The following CALCRL variants were observed in gnomAD, a reference collection of about 807,000 sequenced individuals.
The protein encoded by CALCRL is calcitonin gene-related peptide type 1 receptor.
In CALCRL, 27 loss-of-function variants were observed where a neutral mutation model predicts 60.4. That is an observed-to-expected ratio of 0.45 (90% CI 0.33 to 0.62). CALCRL has a LOEUF of 0.62. Ranked by LOEUF, CALCRL falls within the 20% of genes least tolerant of loss-of-function variation. The pLI is 0.03. For missense variants in CALCRL, 424 were observed against 540.7 expected, an observed-to-expected ratio of 0.78 and a Z score of 2.14; for synonymous variants, 190 against 182.6, an observed-to-expected ratio of 1.04 and a Z score of -0.33.
Position 187,380,370 on chromosome 2 carries a change from T to C in CALCRL, c.408+97A>G. On this transcript the variant is annotated intron_variant, in intron 7 of 14. Coordinates refer to ENST00000392370, the MANE Select transcript of CALCRL (RefSeq NM_005795.6). ...ATTATGAAAAGGCTTTATAAGGGAA[T>C]GGAATAATGACTTTATTTTCTTTAA... The C allele has an allele frequency of 4.5e-6, 3 of 669,888 alleles. No homozygotes were observed. The Admixed American group carries it at 7.0e-5, about 16-fold the overall frequency. 41.5% of individuals were successfully genotyped at this position (669,888 alleles called of 1,614,324 possible).
intron 9 of CALCRL, 118 bp downstream of exon 9, chr2:187,363,258 G>T: frequency 2.1e-6 from 2 of 952,242 alleles, no homozygotes; most frequent in Non-Finnish European, 2.9e-6. Flanking sequence ...ATATATATAT[G>T]TCAGACTTGA....
At chr2:187,396,922 A>AC (rs1688679667) in intron 1 of CALCRL, among the ~76,000 whole-genome samples, 1 of 151,722 alleles carries the variant, frequency 6.6e-6, no homozygotes, top group Non-Finnish European at 1.5e-5. Context: ...GATGTCTAAT[A>AC]CCAGTTACAA....
chr2:187,445,186 C>T lies in CALCRL; in HGVS notation c.-293+2853G>A, dbSNP rs370803241. On this transcript the variant is annotated intron_variant, in intron 1 of 14. Transcript: ENST00000392370. ...TTCTGATTAAGTCAAAACTAAGATA[C>T]GTTACACACTTGACTCTCATAAGAG... 2.0e-3 allele frequency among the ~76,000 whole-genome samples: 298 copies of T among 151,654 alleles called. 3 individuals are homozygous for T. Among genetic ancestry groups the T allele is most frequent in the African/African-American group, 6.6e-3 (275 of 41,526 alleles).
At chr2:187,398,853 A>C (rs1254815284) in intron 1 of CALCRL, among the ~76,000 whole-genome samples, 1 of 151,688 alleles carries the variant, frequency 6.6e-6, no homozygotes, top group Non-Finnish European at 1.5e-5. Flanking sequence ...AAGTGAAGGC[A>C]ATTAGCTGAG....
intron 1 of CALCRL, among the ~76,000 whole-genome samples, chr2:187,406,589 T>C (rs1343903508): frequency 2.0e-5 from 3 of 152,098 alleles, no homozygotes; most frequent in Non-Finnish European, 4.4e-5. Context: ...TCTATTTTTA[T>C]CTATGTATAT....
At chr2:187,437,002 T>C (rs78874009) in intron 1 of CALCRL, among the ~76,000 whole-genome samples, 2,651 of 152,232 alleles carry the variant, frequency 0.017, 73 homozygotes, top group African/African-American at 0.06. Context: ...TTCTATTCTT[T>C]AGTTGAGAAT....
intron 12 of CALCRL, among the ~76,000 whole-genome samples, chr2:187,356,640 G>C (rs192231605): frequency 1.9e-4 from 29 of 152,226 alleles, no homozygotes; most frequent in African/African-American, 6.5e-4. Context: ...GGCAACAAAA[G>C]CCAAAATTGA....
At chr2:187,385,716 A>G (rs1688178210) in intron 3 of CALCRL, 85 bp from the exon 4 acceptor site, 1 of 705,128 alleles carries the variant, frequency 1.4e-6, no homozygotes, top group Non-Finnish European at 2.4e-6. Flanking sequence ...TTATTTTAAA[A>G]CTACACAATA....
At chr2:187,410,419 G>GA (rs144395937) in intron 1 of CALCRL, among the ~76,000 whole-genome samples, 9,170 of 147,240 alleles carry the variant, frequency 0.062, 336 homozygotes, top group South Asian at 0.096. Flanking sequence ...GAGAAAGAAA[G>GA]AAAAAAAAAA....
intron 2 of CALCRL, 37 bp from the exon 3 acceptor site, chr2:187,387,530 G>A (rs1688258895): frequency 2.9e-6 from 1 of 349,884 alleles, no homozygotes; most frequent in Admixed American, 4.7e-5. Flanking sequence ...ATGAATCATT[G>A]TATTAATTTT....
intron 1 of CALCRL, among the ~76,000 whole-genome samples, chr2:187,425,024 A>C (rs1690060341): frequency 6.6e-6 from 1 of 151,918 alleles, no homozygotes. Flanking sequence ...TATTAGAATT[A>C]GTTTGGGGGT....
At chr2:187,416,820 C>A (rs1362178122) in intron 1 of CALCRL, among the ~76,000 whole-genome samples, 1 of 152,016 alleles carries the variant, frequency 6.6e-6, no homozygotes, top group Non-Finnish European at 1.5e-5. Flanking sequence ...TTGCAAAGGG[C>A]TGTTTCTTAT....
chr2:187,371,074 C>T (rs1295075136), intron 8 of CALCRL, among the ~76,000 whole-genome samples: 1 of 151,982 alleles, frequency 6.6e-6, no homozygotes. Context: ...AACCCCGTCT[C>T]TACTAAAACT....
In CALCRL at chr2:187,385,574, A is replaced by T. The variant is rs698577; in HGVS notation, c.22T>A (p.Tyr8Asn). The T allele has an allele frequency of 2.3e-4, 355 of 1,561,198 alleles. No homozygotes were observed. The African/African-American group carries it at 2.8e-3, about 12-fold the overall frequency. ...AAAAAAGGCAAGAGAACCAGAAAATACAGGGTACACTTTTTCTCCATCATT... is the reference window on the plus strand; with the variant it reads ...AAAAAAGGCAAGAGAACCAGAAAATTCAGGGTACACTTTTTCTCCATCATT... Reference protein sequence around the residue: MEKKCTLYFLVLLPFFMI... With the variant: MEKKCTLNFLVLLPFFMI... The change falls in exon 4 of 15, where the codon TAT (tyrosine) becomes AAT (asparagine). Residue 8 changes from tyrosine (Y) to asparagine (N), a missense_variant. Physicochemically the swap from Tyr to Asn is moderately radical, Grantham distance 143. Coordinates refer to ENST00000392370, the MANE Select transcript of CALCRL (RefSeq NM_005795.6).
At chr2:187,410,263 G>A (rs1689301296) in intron 1 of CALCRL, among the ~76,000 whole-genome samples, 1 of 152,054 alleles carries the variant, frequency 6.6e-6, no homozygotes, top group South Asian at 2.1e-4. Context: ...TATTAATGGG[G>A]GATCCATTTG....
chr2:187,423,718 A>G (rs1460553121), intron 1 of CALCRL, among the ~76,000 whole-genome samples: 1 of 152,048 alleles, frequency 6.6e-6, no homozygotes, highest in African/African-American at 2.4e-5. Flanking sequence ...AAGGCTTGGG[A>G]AAAAACTTAG....
intron 8 of CALCRL, among the ~76,000 whole-genome samples, chr2:187,366,638 T>C (rs1260726779): frequency 6.6e-6 from 1 of 152,076 alleles, no homozygotes; most frequent in Non-Finnish European, 1.5e-5. Flanking sequence ...ATTTTAACTG[T>C]TTATATTAAT....
intron 1 of CALCRL, among the ~76,000 whole-genome samples, chr2:187,393,820 G>T (rs1211211637): frequency 3.9e-5 from 6 of 151,914 alleles, no homozygotes; most frequent in African/African-American, 1.4e-4. Context: ...TCTTGCTTGG[G>T]GACCAGGAAC....
intron 7 of CALCRL, among the ~76,000 whole-genome samples, chr2:187,379,802 C>A (rs1455158785): frequency 7.9e-5 from 12 of 152,058 alleles, no homozygotes; most frequent in African/African-American, 2.7e-4. Context: ...TATGAGGGGA[C>A]TGAAGCAGAG....
Sources: gnomAD v4.1 joint callset for allele counts (sites outside exome capture counted in the v4.1 genomes callset) on GRCh38, gnomAD v4.1.1 for gene constraint, MANE v1.5 for transcripts, NCBI Gene and HGNC (gene_info 2026-07-23, HGNC 2026-07-21) for gene names.